The following TM9SF4 variants were observed in gnomAD, a reference collection of about 807,000 sequenced individuals.
TM9SF4 encodes the protein dinucleotide oxidase disulfide thiol exchanger 3 superfamily member 4.
Under a neutral mutation model 90.4 loss-of-function variants are expected in TM9SF4, and 26 were observed. The ratio of observed to expected loss-of-function variants is 0.29; its 90% CI spans 0.21 to 0.40. The LOEUF (loss-of-function observed/expected upper bound fraction) is 0.40. Among genes scored for constraint, TM9SF4 ranks in the 10% least tolerant of loss-of-function variants. The pLI is 1.00. For synonymous variants in TM9SF4, 293 were observed against 315.4 expected (o/e 0.93, Z 0.75); for missense variants, 549 against 834.8 (o/e 0.66, Z 4.22).
intron 17 of TM9SF4, among the ~76,000 whole-genome samples, chr20:32,161,667 G>A (rs868842088): frequency 2.5e-4 from 38 of 152,218 alleles, no homozygotes; most frequent in African/African-American, 8.0e-4. Context: ...GTCACCTGCA[G>A]TGCTCTTCAC....
At chr20:32,159,879 G>T (rs755831495) in intron 15 of TM9SF4, 113 bp from the exon 16 acceptor site, 24 of 1,471,320 alleles carry the variant, frequency 1.6e-5, no homozygotes, top group Non-Finnish European at 2.2e-5. Flanking sequence ...AGGCCCACGG[G>T]CCCTGATGGT....
rs902873230 is a variant in TM9SF4 at position 32,165,559 on chromosome 20, G to A, written c.*115G>A. The A allele has an allele frequency of 9.2e-6, 12 of 1,301,754 alleles. No individual in the cohort carries two copies. Among genetic ancestry groups the A allele is most frequent in the African/African-American group, 2.9e-5 (2 of 67,988 alleles). The allele number at this position is 1,301,754 out of a possible 1,614,324, so 80.6% of individuals were successfully genotyped here. On this transcript the variant is annotated 3_prime_UTR_variant, in exon 18 of 18. Transcript: ENST00000398022. Reference sequence around the variant, plus strand: ...CTGCTCGTTTGGAATGTAACTCCTGGCACAGTGTTCCTGGATCCTGGGGCT... The same window carrying A: ...CTGCTCGTTTGGAATGTAACTCCTGACACAGTGTTCCTGGATCCTGGGGCT...
chr20:32,123,354 A>T (rs1230611353), intron 1 of TM9SF4, among the ~76,000 whole-genome samples: 1 of 151,776 alleles, frequency 6.6e-6, no homozygotes, highest in African/African-American at 2.4e-5. Context: ...CAGTTTACCT[A>T]CATCTAGGCT....
chr20:32,146,912 G>T (rs1045752872), intron 9 of TM9SF4, 57 bp downstream of exon 9: 2 of 1,494,632 alleles, frequency 1.3e-6, no homozygotes, highest in Non-Finnish European at 1.9e-6. Flanking sequence ...GGAGGACCGT[G>T]TGTGTGCATA....
At chr20:32,127,854 C>G (rs758525087) in intron 1 of TM9SF4, among the ~76,000 whole-genome samples, 1 of 152,170 alleles carries the variant, frequency 6.6e-6, no homozygotes, top group Admixed American at 6.5e-5. Flanking sequence ...GGCTTGATAA[C>G]CAGAGGAGAT....
chr20:32,160,215 C>A, intron 16 of TM9SF4, 104 bp downstream of exon 16: 1 of 1,528,874 alleles, frequency 6.5e-7, no homozygotes, highest in Non-Finnish European at 8.9e-7. Flanking sequence ...CTTCATGTGG[C>A]CCCTGCTTCT....
At chr20:32,122,089 C>G (rs1180295692) in intron 1 of TM9SF4, among the ~76,000 whole-genome samples, 4 of 141,702 alleles carry the variant, frequency 2.8e-5, no homozygotes, top group Non-Finnish European at 6.1e-5. Flanking sequence ...CTCCTCACTT[C>G]CCAGTAGGGG....
intron 9 of TM9SF4, among the ~76,000 whole-genome samples, chr20:32,147,881 G>A (rs924658178): frequency 5.3e-5 from 8 of 149,792 alleles, no homozygotes; most frequent in Non-Finnish European, 1.0e-4. Context: ...AAAAACTAGA[G>A]GACAGTAGAT....
intron 17 of TM9SF4, among the ~76,000 whole-genome samples, chr20:32,163,115 G>A (rs1156394901): frequency 6.6e-6 from 1 of 151,538 alleles, no homozygotes; most frequent in African/African-American, 2.4e-5. Flanking sequence ...GCGTGGTGGT[G>A]CACGTCTGTA....
chr20:32,130,048 G>T (rs536316136), intron 1 of TM9SF4, among the ~76,000 whole-genome samples: 2 of 152,236 alleles, frequency 1.3e-5, no homozygotes, highest in African/African-American at 2.4e-5. Context: ...AGATAAACCC[G>T]CAGTAGTGTT....
intron 13 of TM9SF4, 97 bp from the exon 14 acceptor site, chr20:32,157,697 T>A: frequency 6.7e-7 from 1 of 1,482,278 alleles, no homozygotes. Flanking sequence ...ACAAGTCGCC[T>A]CTCCTTCTGT....
rs1168474976 is a variant in TM9SF4 at position 32,123,862 on chromosome 20, A to AT, written c.16-9150dup. Among the ~76,000 whole-genome samples the AT allele has an allele frequency of 3.7e-3, 198 of 53,120 alleles. 2 individuals carry two copies. The highest frequency in any genetic ancestry group is 0.02 in the African/African-American group (188 of 9,484). 34.8% of individuals were successfully genotyped at this position (53,120 alleles called of 152,430 possible). A position where few individuals can be genotyped will look rare whatever the true frequency, so the allele number is the denominator to read the frequency against. ...CTCTCTCTCATATATATATATATAT[A>AT]TATATTTTTTTTTTTAAAGAGATAG... On this transcript the variant is annotated intron_variant, in intron 1 of 17. Coordinates refer to ENST00000398022, the MANE Select transcript of TM9SF4 (RefSeq NM_014742.4).
intron 3 of TM9SF4, 49 bp downstream of exon 3, chr20:32,136,222 A>C: frequency 6.4e-7 from 1 of 1,555,794 alleles, no homozygotes; most frequent in African/African-American, 1.4e-5. Flanking sequence ...GGGGGAACCC[A>C]GCATGATTTT....
intron 15 of TM9SF4, 127 bp from the exon 16 acceptor site, chr20:32,159,865 T>C: frequency 2.2e-6 from 3 of 1,357,148 alleles, no homozygotes; most frequent in Non-Finnish European, 3.1e-6. Flanking sequence ...CAGAGCCACA[T>C]GCCAGGCCCA....
chr20:32,142,818 AAGCTGCAGGGAGCCCTTGAAG>A, intron 5 of TM9SF4, among the ~76,000 whole-genome samples, 143 bp from the exon 6 acceptor site: 1 of 152,276 alleles, frequency 6.6e-6, no homozygotes, highest in East Asian at 1.9e-4. Context: ...TTTGTCTGAT[AAGCTGCAGGGAGCCCTTGAAG>A]AGCTTCTGAG....
chr20:32,149,900 C>T, intron 10 of TM9SF4, 134 bp downstream of exon 10: 1 of 1,266,774 alleles, frequency 7.9e-7, no homozygotes, highest in Non-Finnish European at 1.1e-6. Flanking sequence ...GTCAGTATCT[C>T]TGGGCCAGAC....
At chr20:32,165,209 A>C in intron 17 of TM9SF4, 86 bp from the exon 18 acceptor site, 3 of 1,557,172 alleles carry the variant, frequency 1.9e-6, no homozygotes, top group Non-Finnish European at 1.8e-6. Context: ...CAGTTTCCCC[A>C]TGATATCAGT....
chr20:32,129,051 T>C (rs2046470509), intron 1 of TM9SF4, among the ~76,000 whole-genome samples: 1 of 151,830 alleles, frequency 6.6e-6, no homozygotes, highest in Non-Finnish European at 1.5e-5. Flanking sequence ...TTAGAAAATA[T>C]AGATACACAA....
intron 17 of TM9SF4, among the ~76,000 whole-genome samples, chr20:32,162,781 C>A (rs2047035787): frequency 6.6e-6 from 1 of 152,086 alleles, no homozygotes; most frequent in African/African-American, 2.4e-5. Flanking sequence ...TAGAACAAAT[C>A]TAATCTCCCT....
Sources: gnomAD v4.1 joint callset for allele counts (sites outside exome capture counted in the v4.1 genomes callset) on GRCh38, gnomAD v4.1.1 for gene constraint, MANE v1.5 for transcripts, NCBI Gene and HGNC (gene_info 2026-07-23, HGNC 2026-07-21) for gene names.